The following DTD1 variants were observed in gnomAD, a reference collection of about 807,000 sequenced individuals.
DTD1 encodes the protein D-aminoacyl-tRNA deacylase 1, also known as D-tyrosyl-tRNA deacylase 1 homolog.
DTD1 carries 13 observed loss-of-function variants against 25.6 expected under a neutral mutation model. The observed-to-expected ratio is 0.51, with a 90% confidence interval of 0.33 to 0.81. The LOEUF is 0.81. Among genes scored for constraint, DTD1 ranks in the 30% least tolerant of loss-of-function variants. The probability of loss-of-function intolerance (pLI) is 0.02; values close to 1 mark genes in which losing one functional copy is unlikely to be tolerated. For missense variants in DTD1, 193 were observed against 266.4 expected (o/e 0.72, Z 1.92); for synonymous variants, 110 against 103.6 (o/e 1.06, Z -0.37).
chr20:18,620,763 G>T (rs1568648507), intron 3 of DTD1, among the ~76,000 whole-genome samples: 3 of 151,758 alleles, frequency 2.0e-5, no homozygotes, highest in African/African-American at 4.8e-5. Flanking sequence ...TTAATTTAAA[G>T]AAATTTTTTT....
intron 4 of DTD1, chr20:18,675,076 G>A (rs943750947): frequency 6.6e-5 from 10 of 152,186 alleles, no homozygotes; most frequent in African/African-American, 1.2e-4. Flanking sequence ...TTGGGGCCTC[G>A]GTCCACTGTA....
chr20:18,655,097 CACTTAA>C (rs1568659724), intron 4 of DTD1, among the ~76,000 whole-genome samples: 1 of 152,130 alleles, frequency 6.6e-6, no homozygotes, highest in East Asian at 1.9e-4. Context: ...TATGATATAA[CACTTAA>C]ACTTAATTTC....
intron 5 of DTD1, among the ~76,000 whole-genome samples, chr20:18,748,171 G>A (rs895923207): frequency 2.7e-5 from 3 of 111,872 alleles, no homozygotes; most frequent in African/African-American, 6.1e-5. Context: ...ACACTGGCAC[G>A]CATACACACA....
At chr20:18,741,075 A>G (rs1206679835) in intron 4 of DTD1, among the ~76,000 whole-genome samples, 2 of 152,242 alleles carry the variant, frequency 1.3e-5, no homozygotes, top group Admixed American at 6.5e-5. Context: ...GTGCTGCTGC[A>G]TGAACTGTTT....
At chr20:18,626,311 A>T (rs1378198745) in intron 3 of DTD1, among the ~76,000 whole-genome samples, 1 of 152,180 alleles carries the variant, frequency 6.6e-6, no homozygotes, top group Non-Finnish European at 1.5e-5. Flanking sequence ...AGGGGCATGG[A>T]CACCAGTTTT....
At chr20:18,602,051 A>C (rs2060637447) in intron 3 of DTD1, among the ~76,000 whole-genome samples, 1 of 93,468 alleles carries the variant, frequency 1.1e-5, no homozygotes, top group Non-Finnish European at 2.4e-5. Context: ...ATGTATAACT[A>C]GAATAACCAA....
At chr20:18,692,614 C>A (rs964183879) in intron 4 of DTD1, among the ~76,000 whole-genome samples, 2 of 152,206 alleles carry the variant, frequency 1.3e-5, no homozygotes, top group African/African-American at 4.8e-5. Context: ...AAGGGATGCA[C>A]TAAAGGCAGA....
At chr20:18,711,443 C>T (rs1463410406) in intron 4 of DTD1, among the ~76,000 whole-genome samples, 1 of 152,136 alleles carries the variant, frequency 6.6e-6, no homozygotes, top group East Asian at 1.9e-4. Flanking sequence ...TGGGGCTTAC[C>T]TGGCTTGTTG....
rs1951685366 is a variant in DTD1 at position 18,749,130 on chromosome 20, G to T, written c.*19+4859G>T. 6.6e-6 allele frequency among the ~76,000 whole-genome samples: 1 copy of T among 152,192 alleles called. No individual in the cohort carries two copies. Among genetic ancestry groups the T allele is most frequent in the African/African-American group, 2.4e-5 (1 of 41,454 alleles). ...ATGGAGGGGAAGCTGAAGGCCCCTGGCATGTTCTGGCTGTGCTCCAGGCTG... is the reference window on the plus strand; with the variant it reads ...ATGGAGGGGAAGCTGAAGGCCCCTGTCATGTTCTGGCTGTGCTCCAGGCTG... On this transcript the variant is annotated intron_variant, in intron 5 of 5. Coordinates refer to ENST00000377452, the MANE Select transcript of DTD1 (RefSeq NM_080820.6). The surrounding 1 kb of genome is among the most constrained non-coding windows in gnomAD (Gnocchi z 4.2).
intron 3 of DTD1, among the ~76,000 whole-genome samples, chr20:18,613,684 C>T (rs532215394): frequency 1.7e-4 from 26 of 152,282 alleles, no homozygotes; most frequent in African/African-American, 5.8e-4. Context: ...TCAGAACCTT[C>T]TGAGGTGACT....
chr20:18,657,227 G>A (rs912412284), intron 4 of DTD1, among the ~76,000 whole-genome samples: 4 of 152,138 alleles, frequency 2.6e-5, no homozygotes, highest in African/African-American at 4.8e-5. Flanking sequence ...AGCAGGATGC[G>A]CTGAGAGTGC....
At chr20:18,760,262 G>C (rs1823103222) in intron 5 of DTD1, among the ~76,000 whole-genome samples, 1 of 152,148 alleles carries the variant, frequency 6.6e-6, no homozygotes. Flanking sequence ...GTCCAGCTTT[G>C]TTCCATTGCT....
intron 4 of DTD1, among the ~76,000 whole-genome samples, chr20:18,704,104 C>T (rs966792459): frequency 1.6e-4 from 25 of 152,094 alleles, no homozygotes; most frequent in Admixed American, 1.4e-3. Context: ...GGGTTCACGC[C>T]ATTCTCCTGC....
intron 2 of DTD1, among the ~76,000 whole-genome samples, chr20:18,595,550 A>G (rs558485727): frequency 4.6e-5 from 7 of 152,344 alleles, no homozygotes; most frequent in Admixed American, 2.0e-4. Flanking sequence ...GATTTCAGGC[A>G]TGAGCCACCG....
chr20:18,684,538 A>T (rs1568668272), intron 4 of DTD1, among the ~76,000 whole-genome samples: 1 of 152,064 alleles, frequency 6.6e-6, no homozygotes, highest in East Asian at 1.9e-4. Context: ...CCACCAGCGT[A>T]GGCCTCCCAA....
At chr20:18,597,957 A>T (rs2060618300) in intron 3 of DTD1, among the ~76,000 whole-genome samples, 1 of 151,248 alleles carries the variant, frequency 6.6e-6, no homozygotes, top group South Asian at 2.1e-4. Context: ...ATGGAATCCT[A>T]GCTTGACAGT....
rs2061143375 is a variant in DTD1 at position 18,708,323 on chromosome 20, T to TATATATATTATATATATATA, written c.478-35769_478-35768insTATATATATATAATATATAT. 5.9e-4 allele frequency among the ~76,000 whole-genome samples: 25 copies of TATATATATTATATATATATA among 42,446 alleles called. 7 individuals carry two copies. The highest frequency in any genetic ancestry group is 2.0e-4 in the Non-Finnish European group (4 of 19,648). 27.8% of individuals were successfully genotyped at this position (42,446 alleles called of 152,430 possible). Reference sequence around the variant, plus strand: ...ATATATATATTTTATATATATATTATATATATATATTTTATATATATATTA... The same window carrying TATATATATTATATATATATA: ...ATATATATATTTTATATATATATTATATATATATTATATATATATAATATATATATTTTATATATATATTA... On this transcript the variant is annotated intron_variant, in intron 4 of 5. Transcript: ENST00000377452.
intron 3 of DTD1, among the ~76,000 whole-genome samples, chr20:18,611,962 C>A (rs1228529003): frequency 6.6e-6 from 1 of 151,784 alleles, no homozygotes; most frequent in Non-Finnish European, 1.5e-5. Flanking sequence ...TCAAGTGATT[C>A]TCATGCCTCA....
At chr20:18,740,097 A>G (rs546350473) in intron 4 of DTD1, among the ~76,000 whole-genome samples, 1 of 152,294 alleles carries the variant, frequency 6.6e-6, no homozygotes, top group South Asian at 2.1e-4. Context: ...GCCTCAGCAC[A>G]GAGTCGAATG....
Sources: gnomAD v4.1 joint callset for allele counts (sites outside exome capture counted in the v4.1 genomes callset) on GRCh38, gnomAD v4.1.1 for gene constraint, Gnocchi (gnomAD v3.1) non-coding constraint, MANE v1.5 for transcripts, NCBI Gene and HGNC (gene_info 2026-07-23, HGNC 2026-07-21) for gene names.